The following SOX5 variants were observed in gnomAD, a reference collection of about 807,000 sequenced individuals.
SOX5 encodes the protein transcription factor SOX-5.
A neutral mutation model predicts 92.0 loss-of-function variants in SOX5; 9 were observed. The observed-to-expected ratio is 0.10, with a 90% CI of 0.06 to 0.17. The LOEUF is 0.17. Ranked by LOEUF, SOX5 falls within the 10% of genes least tolerant of loss-of-function variation. The pLI is 1.00. For synonymous variants in SOX5, 344 were observed against 336.3 expected, an observed-to-expected ratio of 1.02 and a Z score of -0.25; for missense variants, 642 against 944.5, an observed-to-expected ratio of 0.68 and a Z score of 4.20.
chr12:23,961,305 G>T (rs962412049), intron 4 of SOX5, among the ~76,000 whole-genome samples: 9 of 152,028 alleles, frequency 5.9e-5, no homozygotes, highest in African/African-American at 1.4e-4. Flanking sequence ...ACTCAAGTTT[G>T]GGAGGTGAAA....
intron 3 of SOX5, among the ~76,000 whole-genome samples, chr12:23,764,145 G>C (rs1332050573): frequency 6.6e-6 from 1 of 151,968 alleles, no homozygotes; most frequent in Non-Finnish European, 1.5e-5. Flanking sequence ...AAAATATTGA[G>C]AGGAAAAATA....
At chr12:23,613,166 C>A (rs2076162011) in intron 8 of SOX5, among the ~76,000 whole-genome samples, 1 of 152,080 alleles carries the variant, frequency 6.6e-6, no homozygotes, top group South Asian at 2.1e-4. Context: ...CAGATAGGAA[C>A]TCACATGTCG....
intron 3 of SOX5, among the ~76,000 whole-genome samples, chr12:23,768,403 G>A (rs2094810389): frequency 6.6e-6 from 1 of 152,102 alleles, no homozygotes; most frequent in African/African-American, 2.4e-5. Context: ...TTTTGTCTCA[G>A]CCCAACAGGG....
chr12:24,021,014 T>A (rs1954221126), intron 4 of SOX5, among the ~76,000 whole-genome samples: 1 of 152,160 alleles, frequency 6.6e-6, no homozygotes, highest in African/African-American at 2.4e-5. Context: ...TTGCTCCTTT[T>A]CCTGAGAAAG....
intron 8 of SOX5, among the ~76,000 whole-genome samples, chr12:23,613,265 T>C (rs1239442087): frequency 2.0e-5 from 3 of 151,620 alleles, no homozygotes; most frequent in Non-Finnish European, 2.9e-5. Context: ...ATTTTCAAAA[T>C]GACCTGGATG....
chr12:24,062,891 A>G (rs1478196074), intron 4 of SOX5, among the ~76,000 whole-genome samples: 2 of 152,232 alleles, frequency 1.3e-5, no homozygotes, highest in African/African-American at 4.8e-5. Context: ...TTGATAACAA[A>G]AACATCCTAA....
chr12:23,983,276 C>T (rs1218506895), intron 4 of SOX5, among the ~76,000 whole-genome samples: 1 of 152,120 alleles, frequency 6.6e-6, no homozygotes, highest in Non-Finnish European at 1.5e-5. Context: ...ACCTGCTTCC[C>T]TCTGAATGTT....
chr12:23,700,901 ATATG>A (rs1363014144), intron 6 of SOX5, among the ~76,000 whole-genome samples: 8 of 151,770 alleles, frequency 5.3e-5, no homozygotes, highest in African/African-American at 1.9e-4. Context: ...AAATAGAAAT[ATATG>A]TATGTGTATA....
intron 1 of SOX5, among the ~76,000 whole-genome samples, chr12:24,446,032 G>A (rs1464998719): frequency 6.6e-6 from 1 of 152,200 alleles, no homozygotes; most frequent in Admixed American, 6.5e-5. Flanking sequence ...GTGCTACTCA[G>A]AAGAAATCAT....
At chr12:23,761,062 T>C (rs2094550119) in intron 3 of SOX5, among the ~76,000 whole-genome samples, 1 of 152,114 alleles carries the variant, frequency 6.6e-6, no homozygotes, top group Non-Finnish European at 1.5e-5. Flanking sequence ...TCTTGACATG[T>C]GATAGTGTAC....
At chr12:24,041,117 A>T (rs755436882) in intron 4 of SOX5, among the ~76,000 whole-genome samples, 1 of 152,206 alleles carries the variant, frequency 6.6e-6, no homozygotes, top group Non-Finnish European at 1.5e-5. Flanking sequence ...AGGAAAACTG[A>T]TGTAGCTGCA....
chr12:24,084,386 C>T (rs946291453), intron 4 of SOX5, among the ~76,000 whole-genome samples: 2 of 152,002 alleles, frequency 1.3e-5, no homozygotes, highest in African/African-American at 2.4e-5. Context: ...GAGCTCCTGA[C>T]TTTTATCTCC....
intron 4 of SOX5, among the ~76,000 whole-genome samples, chr12:24,210,639 TATATATC>T (rs1958504380): frequency 6.6e-6 from 1 of 152,154 alleles, no homozygotes; most frequent in Non-Finnish European, 1.5e-5. Flanking sequence ...TTTTAAATAT[TATATATC>T]ATTATCATTA....
chr12:23,854,017 C>A (rs1415563971), intron 2 of SOX5, among the ~76,000 whole-genome samples: 4 of 152,004 alleles, frequency 2.6e-5, no homozygotes, highest in Non-Finnish European at 5.9e-5. Context: ...ATCTCTAGAA[C>A]CTTTTTATTG....
intron 1 of SOX5, among the ~76,000 whole-genome samples, chr12:24,451,277 T>A (rs545395388): frequency 2.6e-5 from 4 of 152,196 alleles, no homozygotes; most frequent in Non-Finnish European, 4.4e-5. Flanking sequence ...ATCTCATATA[T>A]ATATATACTG....
intron 1 of SOX5, among the ~76,000 whole-genome samples, chr12:24,451,316 A>G (rs1190769249): frequency 6.6e-6 from 1 of 152,178 alleles, no homozygotes; most frequent in African/African-American, 2.4e-5. Flanking sequence ...TATACCCAGC[A>G]GTGGGATTAC....
chr12:23,836,147 T>C (rs1158950178), intron 3 of SOX5, among the ~76,000 whole-genome samples: 1 of 151,928 alleles, frequency 6.6e-6, no homozygotes, highest in Non-Finnish European at 1.5e-5. Flanking sequence ...AGAGGAATTA[T>C]AGAAATTATG....
chr12:23,543,409 T>C (rs1156449608), intron 12 of SOX5, 25 bp from the exon 13 acceptor site: 2 of 1,597,500 alleles, frequency 1.3e-6, no homozygotes, highest in South Asian at 1.1e-5. Flanking sequence ...CATCACTTCG[T>C]GTTAGCGTTA....
At chr12:24,221,074 C>A (rs1048710105) in intron 3 of SOX5, among the ~76,000 whole-genome samples, 1 of 152,202 alleles carries the variant, frequency 6.6e-6, no homozygotes, top group Non-Finnish European at 1.5e-5. Context: ...GAGATTTTAA[C>A]TCAGGATGGC....
Sources: allele counts gnomAD v4.1 joint callset (sites outside exome capture counted in the v4.1 genomes callset), GRCh38; gene constraint gnomAD v4.1.1; transcripts MANE v1.5; gene names NCBI Gene and HGNC (gene_info 2026-07-23, HGNC 2026-07-21).